AHI1: variants seen among roughly 807,000 people sequenced by gnomAD.
The protein encoded by AHI1 is jouberin.
In AHI1, 123 loss-of-function variants were observed where a neutral mutation model predicts 149.3. The observed-to-expected ratio is 0.82, with a 90% CI of 0.71 to 0.96. The LOEUF is 0.96. AHI1 is among the 40% of genes least tolerant of loss of function. The probability of loss-of-function intolerance (pLI) is 0.00; values close to 1 mark genes in which losing one functional copy is unlikely to be tolerated. For missense variants in AHI1, 1,439 were observed against 1,422.7 expected (o/e 1.01, Z -0.18); for synonymous variants, 475 against 459.8 (o/e 1.03, Z -0.42).
intron 24 of AHI1, among the ~76,000 whole-genome samples, chr6:135,357,911 A>G (rs1441594618): frequency 6.6e-6 from 1 of 152,216 alleles, no homozygotes; most frequent in Non-Finnish European, 1.5e-5. Flanking sequence ...AATAACATTC[A>G]TTTTTAGAAG....
intron 2 of AHI1, among the ~76,000 whole-genome samples, chr6:135,496,664 T>C (rs1230427493): frequency 1.3e-5 from 2 of 152,166 alleles, no homozygotes; most frequent in Non-Finnish European, 2.9e-5. Context: ...TATCAGCCAA[T>C]ATGTGGCTCA....
chr6:135,433,314 G>A, intron 15 of AHI1, 58 bp from the exon 16 acceptor site: 1 of 1,301,630 alleles, frequency 7.7e-7, no homozygotes, highest in African/African-American at 1.5e-5. Context: ...TCTTTTAACA[G>A]TTTTTCTAAG....
intron 23 of AHI1, among the ~76,000 whole-genome samples, chr6:135,385,171 C>T (rs1777410881): frequency 6.6e-6 from 1 of 152,066 alleles, no homozygotes; most frequent in Admixed American, 6.5e-5. Flanking sequence ...CTCTAGCTAC[C>T]ATGATGGATT....
intron 23 of AHI1, among the ~76,000 whole-genome samples, chr6:135,362,390 G>C (rs1794039339): frequency 6.6e-6 from 1 of 151,996 alleles, no homozygotes; most frequent in Non-Finnish European, 1.5e-5. Context: ...TGAAACTAAT[G>C]GCAAAAACTG....
chr6:135,390,394 A>G (rs1000717312), intron 23 of AHI1, among the ~76,000 whole-genome samples: 9 of 152,204 alleles, frequency 5.9e-5, no homozygotes, highest in African/African-American at 2.2e-4. Context: ...CACCTTTTCC[A>G]AAGAGTTATA....
intron 24 of AHI1, among the ~76,000 whole-genome samples, chr6:135,350,949 T>A (rs1341375595): frequency 1.3e-5 from 2 of 152,122 alleles, no homozygotes; most frequent in Non-Finnish European, 2.9e-5. Context: ...TATCCCATTC[T>A]GACTTATAGA....
chr6:135,405,549 C>T (rs992657534), intron 21 of AHI1, among the ~76,000 whole-genome samples: 1 of 151,932 alleles, frequency 6.6e-6, no homozygotes, highest in African/African-American at 2.4e-5. Context: ...AAATCTGCTG[C>T]TAAGGAGAGA....
intron 21 of AHI1, 92 bp from the exon 22 acceptor site, chr6:135,405,069 C>A: frequency 9.3e-7 from 1 of 1,074,812 alleles, no homozygotes. Context: ...TTCTAATAAC[C>A]TAAATCAGCA....
At chr6:135,358,987 C>T (rs193295906) in intron 23 of AHI1, among the ~76,000 whole-genome samples, 3 of 152,282 alleles carry the variant, frequency 2.0e-5, no homozygotes, top group Admixed American at 2.0e-4. Flanking sequence ...TCAAACAATG[C>T]TAAAGGCTGT....
chr6:135,426,413 C>T (rs1783918879), intron 20 of AHI1, among the ~76,000 whole-genome samples: 1 of 151,638 alleles, frequency 6.6e-6, no homozygotes, highest in South Asian at 2.1e-4. Flanking sequence ...AACTTAATTG[C>T]CTAATTACTT....
chr6:135,300,721 G>T, intron 26 of AHI1, 163 bp from the exon 27 acceptor site: 2 of 1,263,136 alleles, frequency 1.6e-6, no homozygotes, highest in East Asian at 3.2e-5. Flanking sequence ...TGTCTATCAG[G>T]ACAATATATT....
intron 22 of AHI1, among the ~76,000 whole-genome samples, chr6:135,396,445 C>T (rs970151822): frequency 6.6e-6 from 1 of 151,568 alleles, no homozygotes; most frequent in Non-Finnish European, 1.5e-5. Flanking sequence ...CATATGTTAA[C>T]CATAAAGCAC....
intron 24 of AHI1, among the ~76,000 whole-genome samples, chr6:135,356,054 G>A (rs1792914904): frequency 6.6e-6 from 1 of 152,204 alleles, no homozygotes; most frequent in Admixed American, 6.5e-5. Flanking sequence ...GGAGCAAGGG[G>A]AACGTGGGCA....
At chr6:135,387,747 A>G in intron 23 of AHI1, 7 of 1,182,278 alleles carry the variant, frequency 5.9e-6, no homozygotes, top group Non-Finnish European at 7.4e-6. Context: ...AAACTGTATA[A>G]TTTCAAACTA....
Position 135,427,421 on chromosome 6 carries a change from ATTAT to A in AHI1, c.2624-118_2624-115del, listed in dbSNP as rs1293546852. 26 of 896,122 alleles carry A rather than the reference ATTAT, an allele frequency of 2.9e-5. 1 individual carries two copies. Among genetic ancestry groups the A allele is most frequent in the Middle Eastern group, 6.9e-4 (2 of 2,892 alleles). The allele number at this position is 896,122 out of a possible 1,614,324, so 55.5% of individuals were successfully genotyped here. ...AAATATTTATAGCAATGATGCTCAC[ATTAT>A]TTATGTGAAAACCTCAAATATTTAA... On this transcript the variant is annotated intron_variant, in intron 19 of 28. Coordinates refer to ENST00000265602, the MANE Select transcript of AHI1 (RefSeq NM_001134831.2).
At chr6:135,491,747 C>A (rs1795282892) in intron 4 of AHI1, among the ~76,000 whole-genome samples, 2 of 152,134 alleles carry the variant, frequency 1.3e-5, no homozygotes, top group African/African-American at 4.8e-5. Context: ...CTATGGCCTG[C>A]AGGCTAGTCA....
chr6:135,343,529 G>A (rs914385204), intron 24 of AHI1, among the ~76,000 whole-genome samples: 1 of 151,350 alleles, frequency 6.6e-6, no homozygotes, highest in Non-Finnish European at 1.5e-5. Context: ...GCTGACCATA[G>A]AATAGGCGTG....
chr6:135,439,595 CTAGGATCTACAG>C (rs1785947910), intron 14 of AHI1, among the ~76,000 whole-genome samples: 1 of 152,138 alleles, frequency 6.6e-6, no homozygotes, highest in African/African-American at 2.4e-5. Context: ...GTTGAGGTTG[CTAGGATCTACAG>C]TAAAAATCTT....
At chr6:135,290,272 C>A (rs1447053499) in intron 28 of AHI1, 151 bp downstream of exon 28, 2 of 625,286 alleles carry the variant, frequency 3.2e-6, no homozygotes, top group Non-Finnish European at 5.7e-6. Context: ...TCTCCAAGGT[C>A]GCAAATGGCC....
Sources: gnomAD v4.1 joint callset for allele counts (sites outside exome capture counted in the v4.1 genomes callset) on GRCh38, gnomAD v4.1.1 for gene constraint, MANE v1.5 for transcripts, NCBI Gene and HGNC (gene_info 2026-07-23, HGNC 2026-07-21) for gene names.